The following ATAD1 variants were observed in gnomAD, a reference collection of about 807,000 sequenced individuals.
ATAD1 encodes the protein outer mitochondrial transmembrane helix translocase.
A neutral mutation model predicts 42.7 loss-of-function variants in ATAD1; 18 were observed. The observed-to-expected ratio is 0.42, with a 90% confidence interval of 0.29 to 0.63. The LOEUF (loss-of-function observed/expected upper bound fraction) is 0.63. Among genes scored for constraint, ATAD1 ranks in the 20% least tolerant of loss-of-function variants. ATAD1 has a pLI of 0.19. For missense variants in ATAD1, 294 were observed against 440.4 expected, an observed-to-expected ratio of 0.67 and a Z score of 2.98; for synonymous variants, 132 against 143.1, an observed-to-expected ratio of 0.92 and a Z score of 0.55.
At chr10:87,772,299 G>A (rs973451262) in intron 6 of ATAD1, among the ~76,000 whole-genome samples, 3 of 151,696 alleles carry the variant, frequency 2.0e-5, no homozygotes, top group Admixed American at 6.6e-5. Context: ...CTTTAGTAGA[G>A]ACAAGGTCTC....
intron 8 of ATAD1, among the ~76,000 whole-genome samples, chr10:87,761,652 T>C (rs1344375529): frequency 6.6e-6 from 1 of 151,422 alleles, no homozygotes; most frequent in Non-Finnish European, 1.5e-5. Flanking sequence ...GCAGAGATTG[T>C]CTAAAAAAAA....
intron 2 of ATAD1, among the ~76,000 whole-genome samples, chr10:87,807,697 AAAT>A (rs1261445936): frequency 1.3e-5 from 2 of 152,126 alleles, no homozygotes; most frequent in Non-Finnish European, 2.9e-5. Context: ...TAAGTTATAA[AAAT>A]AATAGGAAAC....
intron 8 of ATAD1, among the ~76,000 whole-genome samples, chr10:87,759,050 C>T (rs1249429662): frequency 1.3e-5 from 2 of 151,980 alleles, no homozygotes; most frequent in Non-Finnish European, 2.9e-5. Context: ...CATGTTACCC[C>T]GTGACACAGA....
intron 3 of ATAD1, among the ~76,000 whole-genome samples, chr10:87,791,030 C>CAAAAAAAAATAAA: frequency 1.5e-5 from 1 of 66,276 alleles, no homozygotes; most frequent in Non-Finnish European, 2.9e-5. Flanking sequence ...ACTAAAATTA[C>CAAAAAAAAATAAA]AAAAAAAAAA....
rs191544173 is a variant in ATAD1, at chr10:87,837,460, G to A, written c.-14+3727C>T. On this transcript the variant is annotated intron_variant, in intron 1 of 4. Coordinates refer to the ATAD1 transcript ENST00000495903. ...TCAGTAGTGGTAGGGTGGTGGACTTGTGTGGTAGACTCTCCTTTAGTTCAG... is the reference window on the plus strand; with the variant it reads ...TCAGTAGTGGTAGGGTGGTGGACTTATGTGGTAGACTCTCCTTTAGTTCAG... 1.1e-4 allele frequency among the ~76,000 whole-genome samples: 16 copies of A among 152,302 alleles called. No homozygotes were observed. The East Asian group carries it at 2.1e-3, about 20-fold the overall frequency.
chr10:87,783,463 A>G (rs1030904021), intron 5 of ATAD1, among the ~76,000 whole-genome samples: 10 of 152,132 alleles, frequency 6.6e-5, no homozygotes, highest in African/African-American at 2.4e-4. Context: ...AATTGATGAG[A>G]AAAGATACAT....
At chr10:87,785,574 C>T (rs1379462496) in intron 4 of ATAD1, among the ~76,000 whole-genome samples, 1 of 150,498 alleles carries the variant, frequency 6.6e-6, no homozygotes, top group Non-Finnish European at 1.5e-5. Context: ...TCCTATGAAA[C>T]AGTATTTTTT....
rs1413574995 is a variant in ATAD1, at chr10:87,812,087, TTCTAAG to T, written c.162+2345_162+2350del. ...AGTCATTCCTTTTGTCACCCTCTTA[TTCTAAG>T]TCTTTGCCAGGACTGTTGCAGTCTA... On this transcript the variant is annotated intron_variant, in intron 2 of 9. Coordinates refer to ENST00000680024, the MANE Select transcript of ATAD1 (RefSeq NM_001321967.2). 2.0e-5 allele frequency among the ~76,000 whole-genome samples: 3 copies of T among 152,300 alleles called. No individual in the cohort carries two copies. In the East Asian group the frequency reaches 5.8e-4, roughly 29 times the overall value.
intron 1 of ATAD1, among the ~76,000 whole-genome samples, chr10:87,823,380 C>A (rs1857666828): frequency 6.6e-6 from 1 of 152,108 alleles, no homozygotes; most frequent in African/African-American, 2.4e-5. Flanking sequence ...AGCTTTAATA[C>A]AGTACTGTTC....
At chr10:87,761,182 A>G (rs1854468205) in intron 8 of ATAD1, among the ~76,000 whole-genome samples, 1 of 152,188 alleles carries the variant, frequency 6.6e-6, no homozygotes, top group South Asian at 2.1e-4. Context: ...ATCTTTAACA[A>G]AATTAAATTA....
At position 87,836,974 on chromosome 10, in the gene ATAD1, T is replaced by G. The variant is rs550392496; in HGVS notation, c.-14+4213A>C. Among the ~76,000 whole-genome samples the G allele has an allele frequency of 3.3e-5, 5 of 152,360 alleles. 1 individual carries two copies. The highest frequency in any genetic ancestry group is 4.1e-4 in the South Asian group (2 of 4,834). On this transcript the variant is annotated intron_variant, in intron 1 of 4. Transcript: ENST00000495903. ...CCATTCTGTAATTGAACCTATACAATTAGTTCTTTATTTTTGTTATTATAT... is the reference window on the plus strand; with the variant it reads ...CCATTCTGTAATTGAACCTATACAAGTAGTTCTTTATTTTTGTTATTATAT...
chr10:87,752,308 C>A lies in ATAD1; in HGVS notation c.*2379G>T, dbSNP rs1186236072. 6.6e-6 allele frequency: 1 copy of A among 152,070 alleles called. No individual in the cohort carries two copies. The highest frequency in any genetic ancestry group is 1.9e-4 in the East Asian group (1 of 5,200). The allele number at this position is 152,070 out of a possible 1,614,324, so 9.4% of individuals were successfully genotyped here. On this transcript the variant is annotated 3_prime_UTR_variant, in exon 10 of 10. Transcript: ENST00000680024. The stretch of plus-strand genomic sequence containing the variant: ...TCAGTCTCAATCCCTGGAGTACAGG[C>A]CTAGGGATTATGGAACTGGTTTAAG...
At chr10:87,765,225 A>G (rs771955311) in intron 8 of ATAD1, among the ~76,000 whole-genome samples, 1 of 152,088 alleles carries the variant, frequency 6.6e-6, no homozygotes, top group Non-Finnish European at 1.5e-5. Context: ...AAATACAAGT[A>G]TTTTGATAAA....
chr10:87,836,621 G>T (rs1181359055), intron 1 of ATAD1, among the ~76,000 whole-genome samples: 2 of 152,058 alleles, frequency 1.3e-5, no homozygotes, highest in African/African-American at 4.8e-5. Context: ...TCTTGTTTCA[G>T]TTTTTAGCAG....
intron 2 of ATAD1, among the ~76,000 whole-genome samples, chr10:87,800,947 T>C (rs1235472662): frequency 6.6e-6 from 1 of 152,170 alleles, no homozygotes; most frequent in African/African-American, 2.4e-5. Flanking sequence ...AATTAATCAT[T>C]CATATCAAAG....
chr10:87,777,537 A>G (rs557133397), intron 5 of ATAD1, among the ~76,000 whole-genome samples: 1 of 152,098 alleles, frequency 6.6e-6, no homozygotes, highest in East Asian at 1.9e-4. Context: ...TTTTTTAAAA[A>G]AAGGGGAAAA....
rs5786793 is a variant in ATAD1, at chr10:87,775,514, T to TAA, written c.690+805_690+806dup. On this transcript the variant is annotated intron_variant, in intron 6 of 9. Transcript: ENST00000680024. ...CATGAGATATAAGTAAGTGATTCAT[T>TAA]AAAAAAAAAAAAAAAAAAAGGGAAA... Among the ~76,000 whole-genome samples, 55 of 110,582 alleles carry TAA rather than the reference T, an allele frequency of 5.0e-4. 1 individual carries two copies. The highest frequency in any genetic ancestry group is 1.0e-3 in the African/African-American group (30 of 29,162). The allele number at this position is 110,582 out of a possible 152,430, so 72.5% of individuals were successfully genotyped here. A position where few individuals can be genotyped will look rare whatever the true frequency, so the allele number is the denominator to read the frequency against.
intron 1 of ATAD1, among the ~76,000 whole-genome samples, chr10:87,834,990 TA>T (rs1857905426): frequency 6.6e-6 from 1 of 152,084 alleles, no homozygotes; most frequent in Non-Finnish European, 1.5e-5. Context: ...CAGTTCAAAA[TA>T]TTTTTTCCTT....
chr10:87,772,610 G>T (rs1855101664), intron 6 of ATAD1, among the ~76,000 whole-genome samples: 1 of 152,104 alleles, frequency 6.6e-6, no homozygotes, highest in Non-Finnish European at 1.5e-5. Context: ...GCCAGCATTT[G>T]AAGAAACATA....
Sources: allele counts gnomAD v4.1 joint callset (sites outside exome capture counted in the v4.1 genomes callset), GRCh38; gene constraint gnomAD v4.1.1; transcripts MANE v1.5; gene names NCBI Gene and HGNC (gene_info 2026-07-23, HGNC 2026-07-21).